The following RAB27A variants were observed in gnomAD, a reference collection of about 807,000 sequenced individuals.
RAB27A encodes the protein ras-related protein Rab-27A.
In RAB27A, 17 loss-of-function variants were observed where a neutral mutation model predicts 20.8. The observed-to-expected ratio is 0.82, with a 90% CI of 0.56 to 1.23. The LOEUF (loss-of-function observed/expected upper bound fraction) is 1.23, where lower values mean the gene tolerates loss of function less well. Among genes scored for constraint, RAB27A ranks in the 50% most tolerant of loss-of-function variants. RAB27A has a pLI of 0.00. For synonymous variants in RAB27A, 85 were observed against 92.8 expected (o/e 0.92, Z 0.48); for missense variants, 277 against 266.7 (o/e 1.04, Z -0.27).
upstream of RAB27A, among the ~76,000 whole-genome samples, chr15:55,293,644 G>A (rs1006619798): frequency 1.5e-4 from 23 of 152,042 alleles, no homozygotes; most frequent in African/African-American, 3.9e-4. Context: ...ATGGCCAGGC[G>A]CGGTGGCTCA....
chr15:55,252,472 C>T (rs1219530482), intron 2 of RAB27A, among the ~76,000 whole-genome samples: 3 of 152,006 alleles, frequency 2.0e-5, no homozygotes, highest in Admixed American at 6.6e-5. Context: ...CGTGGGGACA[C>T]GTGCCTGTAA....
intron 2 of RAB27A, among the ~76,000 whole-genome samples, chr15:55,244,723 T>C (rs1213542124): frequency 6.6e-6 from 1 of 152,224 alleles, no homozygotes; most frequent in Non-Finnish European, 1.5e-5. Flanking sequence ...AGCAGATGAA[T>C]ATAACTATTA....
At chr15:55,298,204 C>CA (rs545657585) in intron 2 of RAB27A, among the ~76,000 whole-genome samples, 9,197 of 63,180 alleles carry the variant, frequency 0.15, 475 homozygotes, top group East Asian at 0.24. Context: ...GACTCCGTCT[C>CA]AAAAAAAAAA....
chr15:55,303,048 C>G (rs1197675333), intron 2 of RAB27A, among the ~76,000 whole-genome samples: 1 of 146,560 alleles, frequency 6.8e-6, no homozygotes, highest in Non-Finnish European at 1.5e-5. Context: ...GATCAGCCCC[C>G]CCGCCCGGCC....
chr15:55,288,049 A>G (rs1333843838), intron 1 of RAB27A, among the ~76,000 whole-genome samples: 1 of 152,218 alleles, frequency 6.6e-6, no homozygotes, highest in Non-Finnish European at 1.5e-5. Context: ...ACATGCAAAA[A>G]GTTGAAGTCA....
chr15:55,244,725 T>C (rs1013650192), intron 2 of RAB27A, among the ~76,000 whole-genome samples: 36 of 152,344 alleles, frequency 2.4e-4, no homozygotes, highest in African/African-American at 8.2e-4. Flanking sequence ...CAGATGAATA[T>C]AACTATTACT....
At chr15:55,299,694 T>A (rs1349714976) in intron 2 of RAB27A, among the ~76,000 whole-genome samples, 1 of 152,012 alleles carries the variant, frequency 6.6e-6, no homozygotes, top group Non-Finnish European at 1.5e-5. Context: ...CAAATATGAT[T>A]CTGGATTAGT....
At chr15:55,239,230 GT>G (rs1435012622) in intron 2 of RAB27A, among the ~76,000 whole-genome samples, 1 of 152,158 alleles carries the variant, frequency 6.6e-6, no homozygotes, top group Non-Finnish European at 1.5e-5. Context: ...GATAACTATA[GT>G]TATCTGTAAA....
chr15:55,299,396 C>T (rs558082372), intron 2 of RAB27A, among the ~76,000 whole-genome samples: 1 of 152,086 alleles, frequency 6.6e-6, no homozygotes, highest in Admixed American at 6.5e-5. Flanking sequence ...GAGTTCAACA[C>T]CAGCCTGGCC....
At chr15:55,239,959 A>G (rs1047518218) in intron 2 of RAB27A, among the ~76,000 whole-genome samples, 3 of 152,104 alleles carry the variant, frequency 2.0e-5, no homozygotes, top group African/African-American at 7.2e-5. Context: ...TCAGCAGAAA[A>G]TCATTCTAGT....
At chr15:55,298,488 A>G (rs1410082542) in intron 2 of RAB27A, among the ~76,000 whole-genome samples, 2 of 152,210 alleles carry the variant, frequency 1.3e-5, no homozygotes, top group Admixed American at 1.3e-4. Flanking sequence ...CAAGTACTTC[A>G]CAAAGTAATA....
chr15:55,210,283 T>TG (rs1269037400), intron 6 of RAB27A, among the ~76,000 whole-genome samples: 15 of 146,006 alleles, frequency 1.0e-4, no homozygotes, highest in African/African-American at 3.8e-4. Flanking sequence ...TATTTTTAGT[T>TG]TTTTTTTTTA....
intron 6 of RAB27A, among the ~76,000 whole-genome samples, chr15:55,210,588 A>G (rs1436580988): frequency 6.6e-6 from 1 of 152,084 alleles, no homozygotes; most frequent in Non-Finnish European, 1.5e-5. Context: ...ATGTCTATTC[A>G]GATCTTTTGC....
intron 1 of RAB27A, among the ~76,000 whole-genome samples, chr15:55,315,338 G>A (rs1022075719): frequency 6.6e-6 from 1 of 152,040 alleles, no homozygotes; most frequent in Non-Finnish European, 1.5e-5. Flanking sequence ...TACCATTCAG[G>A]ACATAGGCAC....
rs1383713490 is a variant in RAB27A, at chr15:55,306,385, G to T, written c.-112+7654C>A. Among the ~76,000 whole-genome samples the T allele has an allele frequency of 2.6e-5, 4 of 152,194 alleles. No homozygotes were observed. In the East Asian group the frequency reaches 7.7e-4, roughly 29 times the overall value. On this transcript the variant is annotated intron_variant, in intron 2 of 5. Coordinates refer to the RAB27A transcript ENST00000563262. ...ACCCAGTGAGGGTGGTATTAAATAG[G>T]CTTACCAGGCGAGTATGGGTACGGA...
chr15:55,220,598 A>C (rs1262939211), intron 6 of RAB27A, among the ~76,000 whole-genome samples: 3 of 152,186 alleles, frequency 2.0e-5, no homozygotes, highest in African/African-American at 7.2e-5. Flanking sequence ...TGAATTGAGA[A>C]TAGAAGACAG....
chr15:55,254,360 C>G (rs1382735728), intron 2 of RAB27A, among the ~76,000 whole-genome samples: 3 of 152,082 alleles, frequency 2.0e-5, no homozygotes, highest in Non-Finnish European at 1.5e-5. Context: ...CAATAGGCCT[C>G]AATGGTACTA....
chr15:55,298,865 G>A (rs2054960258), intron 2 of RAB27A, among the ~76,000 whole-genome samples: 1 of 152,224 alleles, frequency 6.6e-6, no homozygotes. Flanking sequence ...TTTGAAAGAA[G>A]AGAAATATGG....
chr15:55,258,279 G>A (rs1897154891), intron 2 of RAB27A, among the ~76,000 whole-genome samples: 1 of 152,138 alleles, frequency 6.6e-6, no homozygotes, highest in African/African-American at 2.4e-5. Context: ...GGTCTATCCT[G>A]TTTTTGGTCT....
Sources: allele counts gnomAD v4.1 joint callset (sites outside exome capture counted in the v4.1 genomes callset), GRCh38; gene constraint gnomAD v4.1.1; transcripts MANE v1.5; gene names NCBI Gene and HGNC (gene_info 2026-07-23, HGNC 2026-07-21).